Variants in SBF2 observed in about 807,000 individuals in gnomAD.
The protein encoded by SBF2 is myotubularin-related protein 13.
SBF2 carries 112 observed loss-of-function variants against 225.2 expected under a neutral mutation model. The observed-to-expected ratio is 0.50, with a 90% CI of 0.43 to 0.58. The LOEUF is 0.58. Ranked by LOEUF, SBF2 falls within the 20% of genes least tolerant of loss-of-function variation. SBF2 has a pLI of 0.00. For synonymous variants in SBF2, 763 were observed against 773.3 expected, an observed-to-expected ratio of 0.99 and a Z score of 0.22; for missense variants, 1,996 against 2,206.2, an observed-to-expected ratio of 0.90 and a Z score of 1.91.
intron 8 of SBF2, among the ~76,000 whole-genome samples, chr11:10,000,431 T>A (rs911977429): frequency 3.3e-5 from 5 of 152,168 alleles, no homozygotes; most frequent in African/African-American, 9.6e-5. Context: ...GAATATAGAG[T>A]ATACTTTTGC....
chr11:10,105,182 G>C (rs945500008), intron 2 of SBF2, among the ~76,000 whole-genome samples: 3 of 152,080 alleles, frequency 2.0e-5, no homozygotes, highest in Non-Finnish European at 2.9e-5. Flanking sequence ...GCGCTGTAAG[G>C]GTTCAAAAGA....
chr11:10,257,873 C>T (rs1216108174), intron 1 of SBF2, among the ~76,000 whole-genome samples: 2 of 151,732 alleles, frequency 1.3e-5, no homozygotes, highest in Admixed American at 1.3e-4. Context: ...AGGAGGACTG[C>T]TTGAGCCCAG....
intron 12 of SBF2, among the ~76,000 whole-genome samples, chr11:9,991,768 C>T (rs1196292033): frequency 6.6e-6 from 1 of 151,996 alleles, no homozygotes; most frequent in Non-Finnish European, 1.5e-5. Flanking sequence ...AAGATAGAGA[C>T]AAAAATTTGT....
At chr11:9,979,211 T>C (rs1290397861) in intron 13 of SBF2, among the ~76,000 whole-genome samples, 2 of 152,144 alleles carry the variant, frequency 1.3e-5, no homozygotes, top group African/African-American at 4.8e-5. Context: ...CTGCCTTACA[T>C]TGTCGTTATG....
At chr11:9,971,200 A>G (rs1237428586) in intron 13 of SBF2, among the ~76,000 whole-genome samples, 1 of 151,904 alleles carries the variant, frequency 6.6e-6, no homozygotes, top group African/African-American at 2.4e-5. Context: ...AAAAATTAAA[A>G]CTCTAAATAT....
chr11:10,208,380 T>C (rs913446539), intron 1 of SBF2, among the ~76,000 whole-genome samples: 2 of 152,174 alleles, frequency 1.3e-5, no homozygotes, highest in Non-Finnish European at 2.9e-5. Flanking sequence ...ACTTGTCTGC[T>C]GGCAAAGAAC....
intron 2 of SBF2, among the ~76,000 whole-genome samples, chr11:10,187,965 T>C (rs1168076993): frequency 6.6e-6 from 1 of 152,144 alleles, no homozygotes; most frequent in Non-Finnish European, 1.5e-5. Context: ...ATTGTAACAT[T>C]ACAAATATTA....
At chr11:9,990,192 G>A (rs1947363142) in intron 12 of SBF2, among the ~76,000 whole-genome samples, 1 of 151,848 alleles carries the variant, frequency 6.6e-6, no homozygotes, top group African/African-American at 2.4e-5. Flanking sequence ...ATTGTGGGGG[G>A]GTAAATAGAT....
At chr11:10,048,001 T>C (rs1226623920) in intron 2 of SBF2, among the ~76,000 whole-genome samples, 1 of 152,168 alleles carries the variant, frequency 6.6e-6, no homozygotes, top group Non-Finnish European at 1.5e-5. Context: ...AATAATAACC[T>C]ATCCTCCTCT....
rs777170105 is a variant in SBF2, at chr11:9,895,936, A to G, written c.1929+7T>C. 2.7e-5 allele frequency: 44 copies of G among 1,600,014 alleles called. No homozygotes were observed. The highest frequency in any genetic ancestry group is 3.7e-5 in the Non-Finnish European group (43 of 1,167,464). Reference sequence around the variant, plus strand: ...AACAAGCTTATATATGGACCAATGAAACTTACCCTATAGAAAGCACTGGTC... The same window carrying G: ...AACAAGCTTATATATGGACCAATGAGACTTACCCTATAGAAAGCACTGGTC... On this transcript the variant is annotated splice_region_variant and intron_variant, in intron 17 of 39. Coordinates refer to ENST00000256190, the MANE Select transcript of SBF2 (RefSeq NM_030962.4).
chr11:9,856,311 A>C (rs1857310104), intron 19 of SBF2, 147 bp downstream of exon 19: 3 of 991,058 alleles, frequency 3.0e-6, no homozygotes, highest in Admixed American at 1.9e-5. Flanking sequence ...TAGAAAGAAA[A>C]GCTGAGCAAG....
rs1280676323 is a variant in SBF2 at position 9,845,615 on chromosome 11, A to G, written c.3060T>C (p.Thr1020=). ...FSTFAFAAGQ[T]TPQIILPKQK... is the part of the protein sequence containing the mutation. ...GTTTTGGTAAAATTATTTGTGGGGTAGTTTGTCCAGCAGCAAAAGCAAAGG... is the reference window on the plus strand; with the variant it reads ...GTTTTGGTAAAATTATTTGTGGGGTGGTTTGTCCAGCAGCAAAAGCAAAGG... Residue 1020 remains threonine (T), a synonymous_variant, in exon 24 of 40, where the codon ACT becomes ACC. Transcript: ENST00000256190. 1 of 1,613,962 alleles carries G rather than the reference A, an allele frequency of 6.2e-7. No homozygotes were observed. Among genetic ancestry groups the G allele is most frequent in the Non-Finnish European group, 8.5e-7 (1 of 1,179,808 alleles).
intron 1 of SBF2, among the ~76,000 whole-genome samples, chr11:10,228,954 T>C (rs1163862839): frequency 1.3e-5 from 2 of 152,122 alleles, no homozygotes; most frequent in African/African-American, 2.4e-5. Context: ...TCCTGGACTT[T>C]TTTTTTTGGT....
intron 1 of SBF2, among the ~76,000 whole-genome samples, chr11:10,289,877 T>C (rs190791183): frequency 1.3e-5 from 2 of 152,128 alleles, no homozygotes; most frequent in Admixed American, 1.3e-4. Context: ...GGTCAGGAGC[T>C]GGGGAGGCTC....
intron 28 of SBF2, chr11:9,828,161 A>C: frequency 7.8e-7 from 1 of 1,289,738 alleles, no homozygotes; most frequent in Non-Finnish European, 1.0e-6. Flanking sequence ...GTTTACATCC[A>C]AATGTCCTGG....
chr11:9,943,235 A>T (rs1284400454), intron 16 of SBF2, among the ~76,000 whole-genome samples: 1 of 152,246 alleles, frequency 6.6e-6, no homozygotes, highest in Non-Finnish European at 1.5e-5. Flanking sequence ...AATCAATTTC[A>T]GATAGATTAA....
intron 1 of SBF2, among the ~76,000 whole-genome samples, chr11:10,196,866 A>ATATATATATATATATATATTTTT: frequency 1.0e-4 from 10 of 99,300 alleles, no homozygotes; most frequent in African/African-American, 1.2e-4. Flanking sequence ...ATATATATAT[A>ATATATATATATATATATATTTTT]TTTTTTTTTT....
upstream of SBF2, among the ~76,000 whole-genome samples, chr11:10,298,103 G>A (rs1398209039): frequency 2.6e-5 from 4 of 152,304 alleles, no homozygotes; most frequent in African/African-American, 9.6e-5. Flanking sequence ...TTTAGAAGAC[G>A]AAATAGATGG....
At chr11:9,916,607 C>CT (rs935692191) in intron 16 of SBF2, among the ~76,000 whole-genome samples, 3 of 146,052 alleles carry the variant, frequency 2.1e-5, no homozygotes, top group Admixed American at 6.9e-5. Context: ...CCTTTTTTTT[C>CT]TTTTTTTTGA....
Sources: gnomAD v4.1 joint callset for allele counts (sites outside exome capture counted in the v4.1 genomes callset) on GRCh38, gnomAD v4.1.1 for gene constraint, MANE v1.5 for transcripts, NCBI Gene and HGNC (gene_info 2026-07-23, HGNC 2026-07-21) for gene names.